Variants in PARL observed in about 807,000 individuals in gnomAD.
The protein encoded by PARL is presenilin associated rhomboid like.
A neutral mutation model predicts 51.6 loss-of-function variants in PARL; 44 were observed. That is an observed-to-expected ratio of 0.85 (90% CI 0.67 to 1.10). The LOEUF (loss-of-function observed/expected upper bound fraction) is 1.10. Among genes scored for constraint, PARL ranks in the 50% least tolerant of loss-of-function variants. The pLI is 0.00. For missense variants in PARL, 441 were observed against 469.5 expected, an observed-to-expected ratio of 0.94 and a Z score of 0.56; for synonymous variants, 172 against 164.0, an observed-to-expected ratio of 1.05 and a Z score of -0.37.
At chr3:183,843,304 T>C (rs1481723437) in intron 5 of PARL, 1 of 985,104 alleles carries the variant, frequency 1.0e-6, no homozygotes, top group Non-Finnish European at 1.2e-6. Flanking sequence ...CAAAAGTTGA[T>C]TAGAAAAAAA....
In PARL at chr3:183,866,629, T is replaced by C; in HGVS notation, c.458A>G (p.Lys153Arg). The change falls in exon 3 of 10, where the codon AAG (lysine) becomes AGG (arginine). Residue 153 changes from lysine (K) to arginine (R), a missense_variant. Lys to Arg is a conservative substitution (Grantham distance 26). Coordinates refer to ENST00000317096, the MANE Select transcript of PARL (RefSeq NM_018622.7). ...IRPQKEGDFRKEINKWWNNLS... is the reference protein window; with the variant it reads ...IRPQKEGDFRREINKWWNNLS... ...GAAAGCAGTGTTTATCTTTACCTCC[T>C]TTCTGAAGTCTCCTTCTTTTTGTGG... 4 of 1,611,462 alleles carry C rather than the reference T, an allele frequency of 2.5e-6. No homozygotes were observed. The highest frequency in any genetic ancestry group is 3.4e-6 in the Non-Finnish European group (4 of 1,179,312).
intron 1 of PARL, among the ~76,000 whole-genome samples, chr3:183,870,912 T>TGGG (rs1447956052): frequency 1.3e-5 from 2 of 152,152 alleles, no homozygotes; most frequent in African/African-American, 4.8e-5. Context: ...AGTTAATATA[T>TGGG]CTCCTCCTCC....
chr3:183,838,630 A>T (rs751307463), intron 7 of PARL, among the ~76,000 whole-genome samples: 78 of 152,286 alleles, frequency 5.1e-4, no homozygotes, highest in Non-Finnish European at 1.0e-3. Flanking sequence ...CCTCAGAAAT[A>T]GATGGTGTTA....
chr3:183,864,034 A>G (rs1732151474), intron 3 of PARL, among the ~76,000 whole-genome samples: 1 of 152,230 alleles, frequency 6.6e-6, no homozygotes, highest in Non-Finnish European at 1.5e-5. Context: ...GGAAACCTAT[A>G]GCTTTGTAAG....
At chr3:183,826,529 G>T, downstream of PARL, 1 of 798,242 alleles carries the variant, frequency 1.3e-6, no homozygotes, top group Non-Finnish European at 1.5e-6. Context: ...TACTTGGAAG[G>T]TATCCAGTCT....
chr3:183,879,022 C>T (rs1734149815), intron 1 of PARL, among the ~76,000 whole-genome samples: 1 of 152,204 alleles, frequency 6.6e-6, no homozygotes, highest in African/African-American at 2.4e-5. Flanking sequence ...AACCTGATTC[C>T]TCACTCTTCC....
At chr3:183,830,998 A>C (rs1232091372) in intron 9 of PARL, among the ~76,000 whole-genome samples, 1 of 152,148 alleles carries the variant, frequency 6.6e-6, no homozygotes. Flanking sequence ...TTGTTGTTAG[A>C]CAGAGTCGCG....
intron 4 of PARL, among the ~76,000 whole-genome samples, chr3:183,859,077 C>T (rs1162135593): frequency 2.6e-5 from 4 of 152,066 alleles, no homozygotes; most frequent in East Asian, 2.0e-4. Context: ...GAGGCCGAGG[C>T]GGTGGATCAC....
chr3:183,864,113 G>A (rs1732161486), intron 3 of PARL, among the ~76,000 whole-genome samples: 1 of 152,168 alleles, frequency 6.6e-6, no homozygotes, highest in African/African-American at 2.4e-5. Flanking sequence ...AGATGCCGAT[G>A]GCTAGTTATT....
chr3:183,833,437 G>T, intron 9 of PARL, 55 bp downstream of exon 9: 1 of 1,039,548 alleles, frequency 9.6e-7, no homozygotes, highest in Non-Finnish European at 1.5e-6. Flanking sequence ...GGCTGGGGTA[G>T]GAGGAGCGCA....
chr3:183,829,183 TTA>T (rs1399857433), downstream of PARL: 5 of 254,640 alleles, frequency 2.0e-5, no homozygotes, highest in Admixed American at 2.0e-4. Context: ...CTCTCGACTT[TTA>T]TGTGCAGCCA....
chr3:183,829,310 C>T lies in PARL; in HGVS notation c.*288G>A. 1 of 964,484 alleles carries T rather than the reference C, an allele frequency of 1.0e-6. No homozygotes were observed. Among genetic ancestry groups the T allele is most frequent in the Non-Finnish European group, 1.4e-6 (1 of 706,450 alleles). 59.7% of individuals were successfully genotyped at this position (964,484 alleles called of 1,614,324 possible). A position where few individuals can be genotyped will look rare whatever the true frequency, so the allele number is the denominator to read the frequency against. On this transcript the variant is annotated 3_prime_UTR_variant, in exon 10 of 10. Coordinates refer to ENST00000317096, the MANE Select transcript of PARL (RefSeq NM_018622.7). ...ATCAGGCCTTTCAGGGTGCACTCTC[C>T]CCAGGTCCTGTCAATGCAACAACCA...
At position 183,840,614 on chromosome 3, in the gene PARL, C is replaced by G. The variant is rs3732581; in HGVS notation, c.784G>C (p.Val262Leu). 0.47 allele frequency: 721,536 copies of G among 1,542,024 alleles called. 171,523 individuals are homozygous for G. Among genetic ancestry groups the G allele is most frequent in the Middle Eastern group, 0.6 (3,507 of 5,856 alleles). ...AGVISNFVSY[V>L]GKVATGRYGP... ...TATCTTCCTGTGGCAACTTTACCCACGTAACTGACAAAATTGGAAATAACA... is the reference window on the plus strand; with the variant it reads ...TATCTTCCTGTGGCAACTTTACCCAGGTAACTGACAAAATTGGAAATAACA... Residue 262 changes from valine to leucine, a missense_variant, in exon 7 of 10, where the codon GTG becomes CTG. Coordinates refer to ENST00000317096, the MANE Select transcript of PARL (RefSeq NM_018622.7).
At chr3:183,878,747 G>A (rs1196078304) in intron 1 of PARL, among the ~76,000 whole-genome samples, 1 of 152,178 alleles carries the variant, frequency 6.6e-6, no homozygotes, top group Admixed American at 6.6e-5. Flanking sequence ...GGGGCAAGGT[G>A]AGTCTGAGAT....
chr3:183,868,367 G>A (rs1240229136), intron 1 of PARL, among the ~76,000 whole-genome samples: 5 of 151,914 alleles, frequency 3.3e-5, no homozygotes, highest in Admixed American at 1.3e-4. Context: ...TAAAAAGCTA[G>A]AGAACTCTAT....
rs71963110 is a variant in PARL at position 183,882,245 on chromosome 3, TTATATATA to T, written c.125+2469_125+2476del. On this transcript the variant is annotated intron_variant, in intron 1 of 9. Coordinates refer to ENST00000317096, the MANE Select transcript of PARL (RefSeq NM_018622.7). ...AAAATATATATATATATATATATATTTATATATATATATATATATATATTTATATATAT... is the reference window on the plus strand; with the variant it reads ...AAAATATATATATATATATATATATTTATATATATATATATTTATATATAT... Among the ~76,000 whole-genome samples, 117 of 29,288 alleles carry T rather than the reference TTATATATA, an allele frequency of 4.0e-3. 2 individuals carry two copies. The highest frequency in any genetic ancestry group is 6.3e-3 in the Non-Finnish European group (97 of 15,500). 19.2% of individuals were successfully genotyped at this position (29,288 alleles called of 152,430 possible). A position where few individuals can be genotyped will look rare whatever the true frequency, so the allele number is the denominator to read the frequency against.
intron 4 of PARL, among the ~76,000 whole-genome samples, chr3:183,847,768 G>A (rs937534193): frequency 7.2e-5 from 11 of 152,138 alleles, no homozygotes; most frequent in African/African-American, 1.9e-4. Context: ...TTTGTAAAAT[G>A]AGGACAATAC....
At chr3:183,831,939 A>C (rs999980454) in intron 9 of PARL, among the ~76,000 whole-genome samples, 3 of 152,178 alleles carry the variant, frequency 2.0e-5, no homozygotes, top group African/African-American at 7.2e-5. Context: ...AGAATGGAAA[A>C]AGGCCACCTA....
At chr3:183,883,624 CA>C in intron 1 of PARL, 1 of 985,294 alleles carries the variant, frequency 1.0e-6, no homozygotes, top group Non-Finnish European at 1.2e-6. Flanking sequence ...ATGGGATTAC[CA>C]CCTCCATCTG....
Sources: gnomAD v4.1 joint callset for allele counts (sites outside exome capture counted in the v4.1 genomes callset) on GRCh38, gnomAD v4.1.1 for gene constraint, MANE v1.5 for transcripts, NCBI Gene and HGNC (gene_info 2026-07-23, HGNC 2026-07-21) for gene names.